The following RANBP17 variants were observed in gnomAD, a reference collection of about 807,000 sequenced individuals.
RANBP17 encodes the protein RAN binding protein 17, also known as ran-binding protein 17.
In RANBP17, 158 loss-of-function variants were observed where a neutral mutation model predicts 141.2. The ratio of observed to expected loss-of-function variants is 1.12; its 90% CI spans 0.98 to 1.28. The LOEUF is 1.28. Ranked by LOEUF, RANBP17 falls within the 50% of genes most tolerant of loss-of-function variation. The probability of loss-of-function intolerance (pLI) is 0.00; values close to 1 mark genes in which losing one functional copy is unlikely to be tolerated. For missense variants in RANBP17, 1,438 were observed against 1,290.7 expected, an observed-to-expected ratio of 1.11 and a Z score of -1.75; for synonymous variants, 430 against 450.0, an observed-to-expected ratio of 0.96 and a Z score of 0.56.
rs755048171 is a variant in RANBP17, at chr5:171,298,876, T to C, written c.*18T>C. 1.2e-6 allele frequency: 2 copies of C among 1,600,146 alleles called. No individual in the cohort carries two copies. The highest frequency in any genetic ancestry group is 1.1e-5 in the South Asian group (1 of 90,718). ...TGAGCTGACCCGACTTTTCTGACCA[T>C]GTGCGGAGCAGCCTTTATCAAGAGA... On this transcript the variant is annotated 3_prime_UTR_variant, in exon 28 of 28. Coordinates refer to ENST00000523189, the MANE Select transcript of RANBP17 (RefSeq NM_022897.5).
intron 18 of RANBP17, among the ~76,000 whole-genome samples, chr5:171,186,607 G>A (rs1007960974): frequency 5.4e-5 from 7 of 129,164 alleles, no homozygotes; most frequent in African/African-American, 2.1e-4. Flanking sequence ...TGCGATCTCG[G>A]CTCACTGCAA....
intron 19 of RANBP17, among the ~76,000 whole-genome samples, chr5:171,204,699 T>G (rs954464981): frequency 2.6e-5 from 4 of 152,152 alleles, no homozygotes; most frequent in Non-Finnish European, 5.9e-5. Flanking sequence ...TAATTAAGAG[T>G]CCAGAGTACA....
At chr5:170,887,277 A>G (rs1769242582) in intron 3 of RANBP17, among the ~76,000 whole-genome samples, 1 of 151,990 alleles carries the variant, frequency 6.6e-6, no homozygotes, top group Non-Finnish European at 1.5e-5. Context: ...CAGAGCAGAA[A>G]TTTTTCATTT....
intron 14 of RANBP17, among the ~76,000 whole-genome samples, chr5:171,038,193 T>TGTGTGCAC (rs1782011232): frequency 6.7e-6 from 1 of 149,586 alleles, no homozygotes; most frequent in Admixed American, 6.6e-5. Context: ...TGTGTGTGTG[T>TGTGTGCAC]GTGCACGTGC....
At chr5:171,106,689 A>G (rs777250161) in intron 14 of RANBP17, among the ~76,000 whole-genome samples, 2 of 152,162 alleles carry the variant, frequency 1.3e-5, no homozygotes, top group Non-Finnish European at 2.9e-5. Flanking sequence ...AAATCTTCAC[A>G]TGGTTCTCAA....
chr5:171,111,282 A>C (rs1174268511), intron 14 of RANBP17, among the ~76,000 whole-genome samples: 2 of 152,150 alleles, frequency 1.3e-5, no homozygotes, highest in East Asian at 3.8e-4. Flanking sequence ...ATAACCATTC[A>C]GCTTCTCCCC....
intron 1 of RANBP17, among the ~76,000 whole-genome samples, chr5:170,874,335 T>A (rs1278781907): frequency 1.3e-5 from 2 of 152,212 alleles, no homozygotes; most frequent in Admixed American, 6.5e-5. Flanking sequence ...TCTGTAGATA[T>A]CTATCAGGTC....
At chr5:171,086,694 G>A (rs897910173) in intron 14 of RANBP17, among the ~76,000 whole-genome samples, 7 of 150,610 alleles carry the variant, frequency 4.6e-5, no homozygotes, top group African/African-American at 1.5e-4. Flanking sequence ...AGTCTTGGGA[G>A]AGTGTATGTG....
intron 12 of RANBP17, among the ~76,000 whole-genome samples, chr5:170,944,757 C>T (rs1034742747): frequency 1.3e-5 from 2 of 152,110 alleles, no homozygotes; most frequent in Admixed American, 1.3e-4. Context: ...TCAAAATTTA[C>T]TGTAATTTTA....
chr5:171,221,880 T>G (rs1015438336), intron 22 of RANBP17, 40 bp downstream of exon 22: 2 of 1,121,836 alleles, frequency 1.8e-6, no homozygotes, highest in Admixed American at 3.8e-5. Context: ...CAATATAGTT[T>G]TATCTCTTTA....
chr5:171,231,055 A>G (rs1331391696), intron 22 of RANBP17, among the ~76,000 whole-genome samples: 1 of 149,478 alleles, frequency 6.7e-6, no homozygotes, highest in African/African-American at 2.5e-5. Context: ...TCCTGCCTCA[A>G]CTTCCTGAGT....
intron 24 of RANBP17, among the ~76,000 whole-genome samples, chr5:171,262,581 T>TAC (rs1766403619): frequency 6.6e-6 from 1 of 152,232 alleles, no homozygotes; most frequent in Non-Finnish European, 1.5e-5. Flanking sequence ...GATATAGGTA[T>TAC]ACACTGTGTA....
chr5:171,000,222 C>T lies in RANBP17; in HGVS notation c.1710+31845C>T, dbSNP rs116669961. On this transcript the variant is annotated intron_variant, in intron 14 of 27. Coordinates refer to ENST00000523189, the MANE Select transcript of RANBP17 (RefSeq NM_022897.5). ...GAATATGGATATACAAATATCTCTTCGAGACCCTGCTTTCAATTCTTTTGG... is the reference window on the plus strand; with the variant it reads ...GAATATGGATATACAAATATCTCTTTGAGACCCTGCTTTCAATTCTTTTGG... Among the ~76,000 whole-genome samples the T allele has an allele frequency of 6.5e-3, 986 of 152,198 alleles. 11 individuals carry two copies. The highest frequency in any genetic ancestry group is 0.022 in the African/African-American group (934 of 41,526).
At chr5:170,898,182 T>C (rs978332870) in intron 5 of RANBP17, among the ~76,000 whole-genome samples, 1 of 152,340 alleles carries the variant, frequency 6.6e-6, no homozygotes, top group Middle Eastern at 3.4e-3. Context: ...GATAGTTAGC[T>C]CTTCTTGTTG....
intron 24 of RANBP17, among the ~76,000 whole-genome samples, chr5:171,262,811 A>G (rs760217955): frequency 6.6e-6 from 1 of 152,196 alleles, no homozygotes; most frequent in Non-Finnish European, 1.5e-5. Context: ...AAAGCTTTGT[A>G]GTTCCACAGT....
At chr5:171,277,665 ATATT>A (rs1187845511) in intron 25 of RANBP17, among the ~76,000 whole-genome samples, 23 of 135,154 alleles carry the variant, frequency 1.7e-4, no homozygotes, top group Admixed American at 3.0e-4. Context: ...ATATATATAT[ATATT>A]TATGTCTTAC....
At chr5:170,959,100 T>G (rs986762213) in intron 13 of RANBP17, among the ~76,000 whole-genome samples, 2 of 152,192 alleles carry the variant, frequency 1.3e-5, no homozygotes, top group African/African-American at 4.8e-5. Context: ...CTAGTGCTAG[T>G]AGATTGAGTG....
At chr5:171,097,478 G>T (rs1207399565) in intron 14 of RANBP17, among the ~76,000 whole-genome samples, 1 of 151,954 alleles carries the variant, frequency 6.6e-6, no homozygotes, top group Non-Finnish European at 1.5e-5. Context: ...TAGATACACA[G>T]TGAATGAGTA....
chr5:170,865,133 GC>G (rs1767135485), intron 1 of RANBP17, among the ~76,000 whole-genome samples: 1 of 152,086 alleles, frequency 6.6e-6, no homozygotes, highest in African/African-American at 2.4e-5. Context: ...TGGAATCTCG[GC>G]TAACTGCAGC....
Sources: gnomAD v4.1 joint callset for allele counts (sites outside exome capture counted in the v4.1 genomes callset) on GRCh38, gnomAD v4.1.1 for gene constraint, MANE v1.5 for transcripts, NCBI Gene and HGNC (gene_info 2026-07-23, HGNC 2026-07-21) for gene names.